Variants in CHM observed in about 807,000 individuals in gnomAD.
CHM encodes the protein CHM Rab escort protein, also known as rab proteins geranylgeranyltransferase component A 1.
A neutral mutation model predicts 49.0 loss-of-function variants in CHM; 10 were observed. That is an observed-to-expected ratio of 0.20 (90% confidence interval 0.13 to 0.35). The LOEUF is 0.35. Among genes scored for constraint, CHM ranks in the 10% least tolerant of loss-of-function variants. The pLI is 1.00. For synonymous variants in CHM, 184 were observed against 167.5 expected (o/e 1.10, Z -0.76); for missense variants, 455 against 478.4 (o/e 0.95, Z 0.46).
chrX:85,945,266 C>A (rs1929339540), intron 8 of CHM, among the ~76,000 whole-genome samples: 1 of 109,583 alleles, frequency 9.1e-6, no homozygotes, highest in African/African-American at 3.3e-5. Flanking sequence ...CTGTCGAAAT[C>A]TCAAGTTGAA....
At chrX:85,980,738 T>C (rs1195353694) in intron 3 of CHM, among the ~76,000 whole-genome samples, 3 of 111,596 alleles carry the variant, frequency 2.7e-5, no homozygotes, top group African/African-American at 6.5e-5. Context: ...GTAGGACAGA[T>C]TTTTTTAAAT....
chrX:86,016,447 G>A (rs1257465908), intron 2 of CHM, among the ~76,000 whole-genome samples: 1 of 112,121 alleles, frequency 8.9e-6, no homozygotes, highest in African/African-American at 3.2e-5. Flanking sequence ...CCAGCTGTAT[G>A]CAGCCTAGGG....
intron 2 of CHM, among the ~76,000 whole-genome samples, chrX:85,988,926 A>C (rs1298607109): frequency 8.9e-6 from 1 of 112,262 alleles, no homozygotes; most frequent in East Asian, 2.8e-4. Flanking sequence ...CATACTGCCC[A>C]AAGCGATTTA....
intron 8 of CHM, among the ~76,000 whole-genome samples, chrX:85,913,313 C>CAAAA (rs1169192160): frequency 6.2e-4 from 5 of 8,049 alleles, no homozygotes; most frequent in Non-Finnish European, 7.0e-4. Context: ...AAGACTCTGT[C>CAAAA]AAAAAAAAAA....
chrX:86,032,797 A>G (rs961010491), intron 1 of CHM, among the ~76,000 whole-genome samples: 7 of 111,724 alleles, frequency 6.3e-5, no homozygotes, highest in Admixed American at 3.8e-4. Context: ...TTACCATTTC[A>G]TAACAGTTGT....
At chrX:86,046,812 C>T (rs1934665478) in intron 1 of CHM, among the ~76,000 whole-genome samples, 1 of 111,744 alleles carries the variant, frequency 8.9e-6, no homozygotes, top group East Asian at 2.8e-4. Flanking sequence ...CACACCTGAA[C>T]TGGAACTCAG....
In CHM at chrX:85,862,438, G is replaced by A. The variant is rs913293826; in HGVS notation, c.*2192C>T. 8.9e-6 allele frequency: 1 copy of A among 112,303 alleles called. No individual in the cohort carries two copies. Among genetic ancestry groups the A allele is most frequent in the African/African-American group, 3.2e-5 (1 of 30,773 alleles). 9.3% of individuals were successfully genotyped at this position (112,303 alleles called of 1,213,427 possible). On this transcript the variant is annotated 3_prime_UTR_variant, in exon 15 of 15. Coordinates refer to ENST00000357749, the MANE Select transcript of CHM (RefSeq NM_000390.4). ...TTTTATAATATATTGCTGATATCCA[G>A]GGGCAAGGCCAATATCCGGTACATT...
At position 85,863,466 on chromosome X, in the gene CHM, A is replaced by AG. The variant is rs779018511; in HGVS notation, c.*1163dup. 1 of 111,994 alleles carries AG rather than the reference A, an allele frequency of 8.9e-6. No individual in the cohort carries two copies. The highest frequency in any genetic ancestry group is 3.2e-5 in the African/African-American group (1 of 30,780). 9.2% of individuals were successfully genotyped at this position (111,994 alleles called of 1,213,427 possible). ...TGGTTGCAGGTTTACCTACCAGAAA[A>AG]GGAATAAAACAATTTATAGAGTGTT... On this transcript the variant is annotated 3_prime_UTR_variant, in exon 15 of 15. Transcript: ENST00000357749.
rs1923561764 is a variant in CHM, at chrX:85,864,442, G to C, written c.*188C>G. The C allele has an allele frequency of 2.3e-6, 1 of 442,279 alleles. No individual in the cohort carries two copies. The highest frequency in any genetic ancestry group is 2.5e-5 in the African/African-American group (1 of 40,772). 36.4% of individuals were successfully genotyped at this position (442,279 alleles called of 1,213,427 possible). A position where few individuals can be genotyped will look rare whatever the true frequency, so the allele number is the denominator to read the frequency against. On this transcript the variant is annotated 3_prime_UTR_variant, in exon 15 of 15. Coordinates refer to ENST00000357749, the MANE Select transcript of CHM (RefSeq NM_000390.4). ...TGGTATTTAAAATGAGCAAGTCAAT[G>C]TGCTTTATAAGTGTTGTGTGTTCTT...
intron 2 of CHM, among the ~76,000 whole-genome samples, chrX:86,026,717 A>C (rs1933839538): frequency 8.9e-6 from 1 of 112,195 alleles, no homozygotes; most frequent in East Asian, 2.8e-4. Flanking sequence ...AACATATGGG[A>C]AGACACTATA....
intron 2 of CHM, among the ~76,000 whole-genome samples, chrX:86,007,048 G>A (rs1262494165): frequency 9.0e-6 from 1 of 111,625 alleles, no homozygotes; most frequent in Non-Finnish European, 1.9e-5. Context: ...CATGGCACTG[G>A]TACCAAAACA....
At chrX:85,936,058 T>G (rs1240828810) in intron 8 of CHM, among the ~76,000 whole-genome samples, 1 of 112,157 alleles carries the variant, frequency 8.9e-6, no homozygotes, top group East Asian at 2.8e-4. Context: ...TGTGTATGAG[T>G]AAAACACAGA....
rs12690206 is a variant in CHM at position 85,950,822 on chromosome X, A to G, written c.1166+5331T>C. Among the ~76,000 whole-genome samples, 202 of 111,632 alleles carry G rather than the reference A, an allele frequency of 1.8e-3. 1 individual carries two copies. In the East Asian group the frequency reaches 0.037, roughly 21 times the overall value. On this transcript the variant is annotated intron_variant, in intron 8 of 14. Coordinates refer to ENST00000357749, the MANE Select transcript of CHM (RefSeq NM_000390.4). The stretch of plus-strand genomic sequence containing the variant: ...ACAAAGAAATTAACACCTAAGATTC[A>G]CTGTAGTAAAAATATAGAATACAAA...
intron 5 of CHM, among the ~76,000 whole-genome samples, chrX:85,962,737 G>A (rs1930359118): frequency 9.0e-6 from 1 of 111,413 alleles, no homozygotes; most frequent in Admixed American, 9.5e-5. Flanking sequence ...CCTGTATCAT[G>A]ACCCTTTAAG....
In CHM at chrX:85,976,575, C is replaced by A. The variant is rs1435993529; in HGVS notation, c.314+2192G>T. Among the ~76,000 whole-genome samples the A allele has an allele frequency of 1.7e-4, 19 of 108,815 alleles. No individual in the cohort carries two copies. The Admixed American group carries it at 1.9e-3, about 11-fold the overall frequency. 94.5% of individuals were successfully genotyped at this position (108,815 alleles called of 115,157 possible). ...AGGCGGAGCTTGCAGTGAGCAGAGACCACGCACCACTGCACTCCAGCTTGG... is the reference window on the plus strand; with the variant it reads ...AGGCGGAGCTTGCAGTGAGCAGAGAACACGCACCACTGCACTCCAGCTTGG... On this transcript the variant is annotated intron_variant, in intron 4 of 14. Coordinates refer to ENST00000357749, the MANE Select transcript of CHM (RefSeq NM_000390.4).
At chrX:86,035,298 C>T (rs191031766) in intron 1 of CHM, among the ~76,000 whole-genome samples, 14 of 111,468 alleles carry the variant, frequency 1.3e-4, no homozygotes, top group African/African-American at 4.6e-4. Flanking sequence ...AAATAATATC[C>T]CAATAGACAA....
At chrX:85,900,110 T>C (rs1378660583) in intron 11 of CHM, among the ~76,000 whole-genome samples, 2 of 111,781 alleles carry the variant, frequency 1.8e-5, no homozygotes, top group Non-Finnish European at 3.8e-5. Context: ...AACCTAAGTG[T>C]TCATCAATGG....
At chrX:86,027,190 G>A (rs1264061098) in intron 2 of CHM, 1 of 292,066 alleles carries the variant, frequency 3.4e-6, no homozygotes, top group Non-Finnish European at 6.1e-6. Context: ...GCAGGCATGA[G>A]GTTTCCAAGC....
chrX:85,993,765 A>C (rs1055582736), intron 2 of CHM, among the ~76,000 whole-genome samples: 1 of 111,873 alleles, frequency 8.9e-6, no homozygotes. Context: ...GGGCCTGCAT[A>C]TCTCTCTGCT....
Sources: gnomAD v4.1 joint callset for allele counts (sites outside exome capture counted in the v4.1 genomes callset) on GRCh38, gnomAD v4.1.1 for gene constraint, MANE v1.5 for transcripts, NCBI Gene and HGNC (gene_info 2026-07-23, HGNC 2026-07-21) for gene names.